Variants in MME observed in about 807,000 individuals in gnomAD.
MME encodes membrane metalloendopeptidase, also known as neprilysin.
A neutral mutation model predicts 113.2 loss-of-function variants in MME; 98 were observed. The observed-to-expected ratio is 0.87, with a 90% CI of 0.74 to 1.02. The LOEUF is 1.02. Ranked by LOEUF, MME falls within the 50% of genes least tolerant of loss-of-function variation. MME has a pLI of 0.00. For synonymous variants in MME, 292 were observed against 300.6 expected, an observed-to-expected ratio of 0.97 and a Z score of 0.30; for missense variants, 836 against 896.0, an observed-to-expected ratio of 0.93 and a Z score of 0.86.
intron 16 of MME, among the ~76,000 whole-genome samples, chr3:155,152,616 G>T (rs1434375096): frequency 6.6e-6 from 1 of 152,068 alleles, no homozygotes; most frequent in Non-Finnish European, 1.5e-5. Flanking sequence ...CAAGGTGGGC[G>T]GATCACTTGA....
At chr3:155,093,091 T>A (rs1372350521) in intron 3 of MME, among the ~76,000 whole-genome samples, 1 of 151,942 alleles carries the variant, frequency 6.6e-6, no homozygotes, top group Admixed American at 6.6e-5. Flanking sequence ...CTTCATTCTT[T>A]CCCCCATCTC....
At chr3:155,061,847 C>A (rs1386037448) in intron 1 of MME, among the ~76,000 whole-genome samples, 1 of 151,954 alleles carries the variant, frequency 6.6e-6, no homozygotes, top group African/African-American at 2.4e-5. Flanking sequence ...TTTCGGTAGA[C>A]ACAGGGTTTT....
intron 1 of MME, among the ~76,000 whole-genome samples, chr3:155,048,391 T>A (rs1713639751): frequency 6.6e-6 from 1 of 152,232 alleles, no homozygotes; most frequent in Admixed American, 6.5e-5. Context: ...TCTTCTTTTG[T>A]TTCTTTTCAG....
chr3:155,159,436 T>C (rs1183016742), intron 16 of MME, among the ~76,000 whole-genome samples: 1 of 152,040 alleles, frequency 6.6e-6, no homozygotes, highest in Non-Finnish European at 1.5e-5. Context: ...TCAAGCAGTA[T>C]CCATTTTTCC....
intron 16 of MME, among the ~76,000 whole-genome samples, chr3:155,152,049 T>G (rs1372937880): frequency 2.0e-5 from 3 of 152,170 alleles, no homozygotes; most frequent in Non-Finnish European, 4.4e-5. Context: ...TGTCTCATGA[T>G]GTGTGACTGT....
chr3:155,168,848 T>C (rs780584113), intron 20 of MME, 51 bp downstream of exon 20: 16 of 1,464,090 alleles, frequency 1.1e-5, no homozygotes, highest in Non-Finnish European at 1.5e-5. Context: ...GTGTTTCTCA[T>C]ATTTAATAAT....
intron 3 of MME, among the ~76,000 whole-genome samples, chr3:155,113,479 C>G (rs1251510467): frequency 6.6e-6 from 1 of 152,076 alleles, no homozygotes; most frequent in Non-Finnish European, 1.5e-5. Flanking sequence ...GGTGTTTCAT[C>G]ATGTTGGCCA....
chr3:155,130,996 C>T (rs2108289397), intron 8 of MME, among the ~76,000 whole-genome samples: 1 of 151,908 alleles, frequency 6.6e-6, no homozygotes, highest in African/African-American at 2.4e-5. Flanking sequence ...AATAAATAAC[C>T]AAGTAAATAA....
intron 3 of MME, among the ~76,000 whole-genome samples, chr3:155,108,382 G>A (rs577284797): frequency 6.6e-6 from 1 of 152,048 alleles, no homozygotes; most frequent in Non-Finnish European, 1.5e-5. Flanking sequence ...GATTACCTGA[G>A]GTCAGGAGTT....
intron 9 of MME, among the ~76,000 whole-genome samples, chr3:155,139,362 T>C (rs895892230): frequency 6.6e-6 from 1 of 152,190 alleles, no homozygotes; most frequent in Non-Finnish European, 1.5e-5. Flanking sequence ...GAATCATTTA[T>C]GCATCTCTAA....
At chr3:155,132,270 A>T (rs1576624832) in intron 8 of MME, among the ~76,000 whole-genome samples, 2 of 152,308 alleles carry the variant, frequency 1.3e-5, no homozygotes, top group African/African-American at 4.8e-5. Context: ...CTCTTTGGCA[A>T]ATCTAACAAA....
chr3:155,082,333 A>G (rs972071758), intron 1 of MME, among the ~76,000 whole-genome samples: 18 of 152,220 alleles, frequency 1.2e-4, no homozygotes, highest in Admixed American at 1.2e-3. Context: ...AACAATATTC[A>G]GGAAAGGGAA....
intron 17 of MME, among the ~76,000 whole-genome samples, chr3:155,160,661 G>A (rs1331709300): frequency 1.3e-5 from 2 of 151,764 alleles, no homozygotes; most frequent in African/African-American, 4.8e-5. Context: ...AAGTAGTTTT[G>A]TTTCTTTTAC....
intron 1 of MME, among the ~76,000 whole-genome samples, chr3:155,030,129 C>G (rs1371896100): frequency 6.6e-6 from 1 of 151,546 alleles, no homozygotes; most frequent in Non-Finnish European, 1.5e-5. Context: ...TTTGTTCAGA[C>G]AAAAAAGGGA....
At chr3:155,150,502 T>G (rs1260231215) in intron 16 of MME, among the ~76,000 whole-genome samples, 8 of 152,186 alleles carry the variant, frequency 5.3e-5, no homozygotes, top group Admixed American at 1.3e-4. Flanking sequence ...TTCTAAGGTC[T>G]TCTCTGCTAT....
At chr3:155,168,466 AT>A (rs760834282) in intron 18 of MME, 25 bp from the exon 19 acceptor site, 74 of 1,592,986 alleles carry the variant, frequency 4.6e-5, no homozygotes, top group Non-Finnish European at 6.1e-5. Context: ...ATGAGTTCCC[AT>A]TTTACTTAAA....
At chr3:155,088,601 T>A (rs1156361647) in intron 3 of MME, among the ~76,000 whole-genome samples, 3 of 149,968 alleles carry the variant, frequency 2.0e-5, no homozygotes, top group Non-Finnish European at 3.0e-5. Context: ...GAGAATTGCT[T>A]GAACCCAGGA....
chr3:155,168,540 A>T lies in MME; in HGVS notation c.1829A>T (p.Gln610Leu). The T allele has an allele frequency of 6.2e-7, 1 of 1,613,728 alleles. No individual in the cohort carries two copies. Among genetic ancestry groups the T allele is most frequent in the Non-Finnish European group, 8.5e-7 (1 of 1,179,724 alleles). ...GACCTCGTTGACTGGTGGACTCAAC[A>T]GTCTGCAAGTAACTTTAAGGAGCAA... is the stretch of plus-strand genomic sequence containing the variant. ...DGDLVDWWTQ[Q>L]SASNFKEQSQ... The change falls in exon 19 of 23, where the codon CAG becomes CTG. Residue 610 changes from glutamine (Q) to leucine (L), a missense_variant. By Grantham distance (113) the Gln-to-Leu change is moderately radical. Transcript: ENST00000360490.
intron 3 of MME, among the ~76,000 whole-genome samples, chr3:155,109,047 C>T (rs1451216947): frequency 6.6e-6 from 1 of 152,112 alleles, no homozygotes; most frequent in Non-Finnish European, 1.5e-5. Flanking sequence ...AATGCTGTGC[C>T]TCAAGTTTCT....
Sources: gnomAD v4.1 joint callset for allele counts (sites outside exome capture counted in the v4.1 genomes callset) on GRCh38, gnomAD v4.1.1 for gene constraint, MANE v1.5 for transcripts, NCBI Gene and HGNC (gene_info 2026-07-23, HGNC 2026-07-21) for gene names.